RBMS3: variants seen among roughly 807,000 people sequenced by gnomAD.
RBMS3 encodes the protein RNA binding motif single stranded interacting protein 3.
A neutral mutation model predicts 66.8 loss-of-function variants in RBMS3; 27 were observed. The ratio of observed to expected loss-of-function variants is 0.40; its 90% CI spans 0.30 to 0.56. RBMS3 has a LOEUF of 0.56. Ranked by LOEUF, RBMS3 falls within the 20% of genes least tolerant of loss-of-function variation. The pLI is 0.40. For synonymous variants in RBMS3, 188 were observed against 183.0 expected (o/e 1.03, Z -0.22); for missense variants, 513 against 549.5 (o/e 0.93, Z 0.66).
At chr3:29,424,264 C>G (rs2040857229) in intron 1 of RBMS3, among the ~76,000 whole-genome samples, 1 of 152,068 alleles carries the variant, frequency 6.6e-6, no homozygotes, top group Admixed American at 6.5e-5. Flanking sequence ...GACCATACAC[C>G]CTGATTTGCT....
intron 4 of RBMS3, among the ~76,000 whole-genome samples, chr3:29,662,505 C>G (rs1248206065): frequency 2.6e-5 from 4 of 152,288 alleles, no homozygotes; most frequent in Middle Eastern, 3.4e-3. Flanking sequence ...AAGAGGTAAG[C>G]TTTGATGCAT....
chr3:29,961,192 G>A (rs568118448), intron 12 of RBMS3, among the ~76,000 whole-genome samples: 2 of 152,126 alleles, frequency 1.3e-5, no homozygotes, highest in Non-Finnish European at 2.9e-5. Flanking sequence ...TCTCTAGGGC[G>A]GGGGCAAAAT....
chr3:29,804,925 G>A (rs2057498691), intron 6 of RBMS3, among the ~76,000 whole-genome samples: 1 of 52,684 alleles, frequency 1.9e-5, no homozygotes, highest in African/African-American at 5.9e-5. Flanking sequence ...GTGTACGTGT[G>A]TGTGTGTGTG....
chr3:29,794,277 C>G (rs7650399), intron 6 of RBMS3, among the ~76,000 whole-genome samples: 1 of 152,064 alleles, frequency 6.6e-6, no homozygotes, highest in East Asian at 1.9e-4. Context: ...AGCTCTCTCC[C>G]CAGGGAAGCA....
At position 29,781,574 on chromosome 3, in the gene RBMS3, A is replaced by G. The variant is rs148304878; in HGVS notation, c.637+18585A>G. Among the ~76,000 whole-genome samples the G allele has an allele frequency of 6.3e-3, 964 of 152,300 alleles. 12 individuals are homozygous for G. The highest frequency in any genetic ancestry group is 0.048 in the Middle Eastern group (14 of 294). ...GGTTAGCTCCTGAATATTATGAAAT[A>G]CCTGAGAAACTCATTGTCTAATCCT... On this transcript the variant is annotated intron_variant, in intron 6 of 14. Coordinates refer to ENST00000383767, the MANE Select transcript of RBMS3 (RefSeq NM_001003793.3).
At position 30,004,204 on chromosome 3, in the gene RBMS3, G is replaced by T; in HGVS notation, c.*342G>T. The T allele has an allele frequency of 2.2e-5, 4 of 185,186 alleles. No individual in the cohort carries two copies. Among genetic ancestry groups the T allele is most frequent in the Non-Finnish European group, 2.2e-5 (2 of 91,366 alleles). 11.5% of individuals were successfully genotyped at this position (185,186 alleles called of 1,614,324 possible). A position where few individuals can be genotyped will look rare whatever the true frequency, so the allele number is the denominator to read the frequency against. ...AATTCAGAATTTTTCTGAAGGTGTA[G>T]ATACTTTTTTTTTTTTTTTAACAGA... is the stretch of plus-strand genomic sequence containing the variant. On this transcript the variant is annotated 3_prime_UTR_variant, in exon 15 of 15. Coordinates refer to ENST00000383767, the MANE Select transcript of RBMS3 (RefSeq NM_001003793.3).
intron 12 of RBMS3, among the ~76,000 whole-genome samples, chr3:29,946,683 ATAT>A (rs1435044564): frequency 6.6e-6 from 1 of 151,656 alleles, no homozygotes; most frequent in African/African-American, 2.4e-5. Flanking sequence ...TTTCTGTGTA[ATAT>A]TAAGTGACAT....
At chr3:29,498,196 T>C (rs2043834127) in intron 3 of RBMS3, among the ~76,000 whole-genome samples, 1 of 151,644 alleles carries the variant, frequency 6.6e-6, no homozygotes, top group African/African-American at 2.4e-5. Context: ...GGTTTCACCA[T>C]GTTAACCTGG....
intron 4 of RBMS3, among the ~76,000 whole-genome samples, chr3:29,734,352 A>T (rs578123301): frequency 9.2e-5 from 14 of 152,204 alleles, no homozygotes; most frequent in African/African-American, 3.4e-4. Context: ...GATGACTATA[A>T]TTAACAATAA....
chr3:29,759,001 AAT>A (rs2055544766), intron 5 of RBMS3, among the ~76,000 whole-genome samples: 1 of 152,188 alleles, frequency 6.6e-6, no homozygotes, highest in African/African-American at 2.4e-5. Context: ...CATGGTTAAT[AAT>A]GCTTACTGCT....
intron 6 of RBMS3, among the ~76,000 whole-genome samples, chr3:29,798,263 A>AGGGAAGGGAAGGGAAGGGAC (rs2057265281): frequency 8.8e-6 from 1 of 113,536 alleles, no homozygotes; most frequent in Non-Finnish European, 1.8e-5. Flanking sequence ...AGAAAAGGGA[A>AGGGAAGGGAAGGGAAGGGAC]GGGAAGGGAA....
At chr3:29,832,748 G>T (rs2058406469) in intron 6 of RBMS3, among the ~76,000 whole-genome samples, 1 of 152,122 alleles carries the variant, frequency 6.6e-6, no homozygotes, top group Non-Finnish European at 1.5e-5. Flanking sequence ...GGAGGCTATA[G>T]ACCCTACTAA....
At chr3:29,610,456 A>G (rs1449412307) in intron 4 of RBMS3, among the ~76,000 whole-genome samples, 1 of 151,976 alleles carries the variant, frequency 6.6e-6, no homozygotes, top group Non-Finnish European at 1.5e-5. Flanking sequence ...TTCTTGCAGG[A>G]CCATTTTGAG....
At chr3:29,482,701 CTTT>C (rs755520785) in intron 2 of RBMS3, among the ~76,000 whole-genome samples, 3 of 77,502 alleles carry the variant, frequency 3.9e-5, no homozygotes, top group African/African-American at 1.5e-4. Flanking sequence ...TTCTTTCTTT[CTTT>C]TTTTTTTTTT....
chr3:29,613,309 T>C, intron 4 of RBMS3, among the ~76,000 whole-genome samples: 1 of 152,194 alleles, frequency 6.6e-6, no homozygotes, highest in Non-Finnish European at 1.5e-5. Flanking sequence ...CCTAACCATG[T>C]GCAGGTGTTC....
At chr3:29,879,618 G>T (rs1409085249) in intron 7 of RBMS3, among the ~76,000 whole-genome samples, 1 of 151,874 alleles carries the variant, frequency 6.6e-6, no homozygotes, top group Non-Finnish European at 1.5e-5. Context: ...ATAATTATTT[G>T]TTTGTAATTT....
At chr3:29,414,362 C>T (rs4680724) in intron 1 of RBMS3, among the ~76,000 whole-genome samples, 17,046 of 152,244 alleles carry the variant, frequency 0.11, 1,375 homozygotes, top group Admixed American at 0.25. Context: ...CTGTCTGCTT[C>T]TTACTGCACT....
At chr3:29,405,851 G>T (rs2039997297) in intron 1 of RBMS3, among the ~76,000 whole-genome samples, 1 of 152,166 alleles carries the variant, frequency 6.6e-6, no homozygotes, top group South Asian at 2.1e-4. Context: ...GGGAAAGGTG[G>T]AGAGGCTATG....
At chr3:29,928,611 T>C (rs2061017624) in intron 10 of RBMS3, among the ~76,000 whole-genome samples, 1 of 151,976 alleles carries the variant, frequency 6.6e-6, no homozygotes, top group African/African-American at 2.4e-5. Flanking sequence ...TCTCATTTTT[T>C]CACATTATCT....
Sources: allele counts gnomAD v4.1 joint callset (sites outside exome capture counted in the v4.1 genomes callset), GRCh38; gene constraint gnomAD v4.1.1; transcripts MANE v1.5; gene names NCBI Gene and HGNC (gene_info 2026-07-23, HGNC 2026-07-21).